Variants in TRPC4 observed in about 807,000 individuals in gnomAD.
TRPC4 encodes short transient receptor potential channel 4.
A neutral mutation model predicts 99.4 loss-of-function variants in TRPC4; 49 were observed. That is an observed-to-expected ratio of 0.49 (90% confidence interval 0.39 to 0.63). The LOEUF (loss-of-function observed/expected upper bound fraction) is 0.63, where lower values mean the gene tolerates loss of function less well. TRPC4 is among the 20% of genes least tolerant of loss of function. The pLI is 0.00. For synonymous variants in TRPC4, 454 were observed against 425.9 expected (o/e 1.07, Z -0.81); for missense variants, 898 against 1,152.9 (o/e 0.78, Z 3.20).
intron 3 of TRPC4, among the ~76,000 whole-genome samples, 194 bp downstream of exon 3, chr13:37,745,743 C>A (rs1955755849): frequency 6.6e-6 from 1 of 151,710 alleles, no homozygotes; most frequent in Non-Finnish European, 1.5e-5. Flanking sequence ...AGGCCAAAAA[C>A]ATCAATTATT....
At chr13:37,856,145 GAGA>G (rs1959172422) in intron 1 of TRPC4, among the ~76,000 whole-genome samples, 1 of 151,468 alleles carries the variant, frequency 6.6e-6, no homozygotes, top group Non-Finnish European at 1.5e-5. Flanking sequence ...CTGACTAAGA[GAGA>G]AGATCCAAAT....
intron 2 of TRPC4, 111 bp from the exon 3 acceptor site, chr13:37,746,566 GGT>G (rs771879550): frequency 0.039 from 30,025 of 777,464 alleles, 122 homozygotes; most frequent in South Asian, 0.045. Context: ...TCCTTGGCCG[GGT>G]TTTTTTTTTT....
At chr13:37,688,028 T>C (rs1953548064) in intron 4 of TRPC4, among the ~76,000 whole-genome samples, 1 of 152,194 alleles carries the variant, frequency 6.6e-6, no homozygotes, top group African/African-American at 2.4e-5. Flanking sequence ...CATCATAAGT[T>C]TGGTCCCTGT....
chr13:37,866,930 A>G (rs1959795732), intron 1 of TRPC4, among the ~76,000 whole-genome samples: 1 of 147,530 alleles, frequency 6.8e-6, no homozygotes. Flanking sequence ...ATTTTTAATG[A>G]GAACCAAATA....
In TRPC4 at chr13:37,804,087, G is replaced by A. The variant is rs561453087; in HGVS notation, c.-27-20727C>T. 1.3e-4 allele frequency among the ~76,000 whole-genome samples: 20 copies of A among 152,124 alleles called. 1 individual carries two copies. In the South Asian group the frequency reaches 2.3e-3, roughly 17 times the overall value. ...CAGATAATAAGTCTTTTGATGGTCC[G>A]GATCTTTAAGTAACGCTTTATATGT... is the stretch of plus-strand genomic sequence containing the variant. On this transcript the variant is annotated intron_variant, in intron 1 of 10. Coordinates refer to ENST00000379705, the MANE Select transcript of TRPC4 (RefSeq NM_016179.4).
At chr13:37,770,237 T>C (rs760547428) in intron 2 of TRPC4, among the ~76,000 whole-genome samples, 2 of 151,538 alleles carry the variant, frequency 1.3e-5, no homozygotes, top group Non-Finnish European at 3.0e-5. Context: ...ATAATCTCAG[T>C]AGTCCTTGGT....
intron 5 of TRPC4, among the ~76,000 whole-genome samples, chr13:37,664,851 T>C (rs888358153): frequency 6.6e-6 from 1 of 152,156 alleles, no homozygotes; most frequent in Non-Finnish European, 1.5e-5. Context: ...AACTAATAGA[T>C]AGTATTTTTT....
intron 1 of TRPC4, among the ~76,000 whole-genome samples, chr13:37,847,243 T>C (rs1958932185): frequency 6.6e-6 from 1 of 152,066 alleles, no homozygotes; most frequent in Non-Finnish European, 1.5e-5. Context: ...ATTCACATTC[T>C]TCTCAAGTGC....
chr13:37,679,052 G>T (rs1322946416), intron 4 of TRPC4, among the ~76,000 whole-genome samples: 2 of 152,074 alleles, frequency 1.3e-5, no homozygotes, highest in African/African-American at 4.8e-5. Context: ...TTTCAGTAAA[G>T]TGTGAATAAA....
intron 1 of TRPC4, among the ~76,000 whole-genome samples, chr13:37,797,727 GA>G (rs1439111591): frequency 1.3e-5 from 2 of 152,042 alleles, no homozygotes; most frequent in Non-Finnish European, 2.9e-5. Context: ...TATGCACAAG[GA>G]ATTTGTCATC....
chr13:37,795,063 T>C (rs895886287), intron 1 of TRPC4, among the ~76,000 whole-genome samples: 6 of 152,218 alleles, frequency 3.9e-5, no homozygotes, highest in African/African-American at 1.4e-4. Flanking sequence ...TACTGTTATA[T>C]AAAATATGAT....
intron 3 of TRPC4, among the ~76,000 whole-genome samples, chr13:37,712,473 C>A (rs1954517639): frequency 6.6e-6 from 1 of 152,172 alleles, no homozygotes; most frequent in Non-Finnish European, 1.5e-5. Flanking sequence ...TGCATTTTTT[C>A]ATTGTCACGC....
chr13:37,761,150 A>C (rs2139239625), intron 2 of TRPC4, among the ~76,000 whole-genome samples: 1 of 152,094 alleles, frequency 6.6e-6, no homozygotes, highest in South Asian at 2.1e-4. Context: ...CTTGGAGTCT[A>C]ATGATGATAA....
intron 3 of TRPC4, among the ~76,000 whole-genome samples, chr13:37,732,395 T>A (rs1004728229): frequency 6.6e-6 from 1 of 152,042 alleles, no homozygotes; most frequent in Non-Finnish European, 1.5e-5. Context: ...GCATTCCTGT[T>A]AAGAACTAAA....
At chr13:37,804,130 A>G (rs1566183001) in intron 1 of TRPC4, among the ~76,000 whole-genome samples, 1 of 152,082 alleles carries the variant, frequency 6.6e-6, no homozygotes, top group Non-Finnish European at 1.5e-5. Context: ...TAGGCACAAT[A>G]TTGGAGATGG....
At chr13:37,712,481 C>T (rs748244609) in intron 3 of TRPC4, among the ~76,000 whole-genome samples, 2 of 152,130 alleles carry the variant, frequency 1.3e-5, no homozygotes, top group Non-Finnish European at 2.9e-5. Context: ...TTCATTGTCA[C>T]GCTATCAGTG....
Position 37,866,849 on chromosome 13 carries a change from G to GT in TRPC4, c.-28+2745_-28+2746insA, listed in dbSNP as rs1289063981. Among the ~76,000 whole-genome samples, 19 of 123,980 alleles carry GT rather than the reference G, an allele frequency of 1.5e-4. No homozygotes were observed. The East Asian group carries it at 4.3e-3, about 28-fold the overall frequency. The allele number at this position is 123,980 out of a possible 152,430, so 81.3% of individuals were successfully genotyped here. A position where few individuals can be genotyped will look rare whatever the true frequency, so the allele number is the denominator to read the frequency against. On this transcript the variant is annotated intron_variant, in intron 1 of 10. Coordinates refer to ENST00000379705, the MANE Select transcript of TRPC4 (RefSeq NM_016179.4). Reference sequence around the variant, plus strand: ...CAGTTTTAATGTTTATTTTTTGTGGGGGGGGGCGGGTATAGGGTATAAATT... The same window carrying GT: ...CAGTTTTAATGTTTATTTTTTGTGGGTGGGGGGCGGGTATAGGGTATAAATT...
chr13:37,667,342 T>G (rs150337722), intron 5 of TRPC4, among the ~76,000 whole-genome samples: 1,760 of 152,344 alleles, frequency 0.012, 40 homozygotes, highest in African/African-American at 0.041. Flanking sequence ...AGTCTTGCTC[T>G]GTCGCCCAGG....
chr13:37,651,490 G>A (rs748395616), intron 7 of TRPC4, 31 bp from the exon 8 acceptor site: 1 of 1,592,314 alleles, frequency 6.3e-7, no homozygotes, highest in Non-Finnish European at 8.6e-7. Flanking sequence ...ACTGATGATA[G>A]GTTCCTTAAT....
Sources: gnomAD v4.1 joint callset for allele counts (sites outside exome capture counted in the v4.1 genomes callset) on GRCh38, gnomAD v4.1.1 for gene constraint, MANE v1.5 for transcripts, NCBI Gene and HGNC (gene_info 2026-07-23, HGNC 2026-07-21) for gene names.